WDR7: variants seen among roughly 807,000 people sequenced by gnomAD.
The protein encoded by WDR7 is WD repeat-containing protein 7.
Under a neutral mutation model 169.4 loss-of-function variants are expected in WDR7, and 46 were observed. That is an observed-to-expected ratio of 0.27 (90% CI 0.21 to 0.35). The LOEUF (loss-of-function observed/expected upper bound fraction) is 0.35. Ranked by LOEUF, WDR7 falls within the 10% of genes least tolerant of loss-of-function variation. The pLI is 1.00. For missense variants in WDR7, 1,534 were observed against 1,859.3 expected (o/e 0.83, Z 3.22); for synonymous variants, 612 against 666.8 (o/e 0.92, Z 1.27).
At chr18:57,011,753 T>A (rs1599245080) in intron 26 of WDR7, among the ~76,000 whole-genome samples, 2 of 152,364 alleles carry the variant, frequency 1.3e-5, no homozygotes, top group Admixed American at 1.3e-4. Context: ...TAGTCTTATG[T>A]GCGTAGACTA....
rs191172817 is a variant in WDR7, at chr18:56,675,305, T to C, written c.159+2631T>C. Among the ~76,000 whole-genome samples the C allele has an allele frequency of 6.6e-5, 10 of 152,262 alleles. 1 individual carries two copies. The East Asian group carries it at 1.9e-3, about 29-fold the overall frequency. ...TGACTCACTAGATCAATTTGGAGAG[T>C]ACTGCTATTTTAACCATATCAAATT... On this transcript the variant is annotated intron_variant, in intron 2 of 27. Transcript: ENST00000254442.
chr18:56,973,217 A>G (rs1028612669), intron 26 of WDR7, among the ~76,000 whole-genome samples: 3 of 152,222 alleles, frequency 2.0e-5, no homozygotes, highest in African/African-American at 4.8e-5. Context: ...GAATGGCAGT[A>G]TTCAAGAATT....
In WDR7 at chr18:56,852,887, T is replaced by G. The variant is rs2045663426; in HGVS notation, c.3305-27057T>G. Among the ~76,000 whole-genome samples the G allele has an allele frequency of 3.3e-5, 5 of 152,316 alleles. 1 individual carries two copies. In the South Asian group the frequency reaches 1.0e-3, roughly 32 times the overall value. ...CTTCAGCATGTTTTAAAATATTCTT[T>G]AAGTGTTCTACTCTTTGAAATTTTA... On this transcript the variant is annotated intron_variant, in intron 20 of 27. Transcript: ENST00000254442.
At chr18:56,828,612 A>C (rs2145269697) in intron 20 of WDR7, among the ~76,000 whole-genome samples, 1 of 152,322 alleles carries the variant, frequency 6.6e-6, no homozygotes, top group East Asian at 1.9e-4. Context: ...TTAAAAGAGG[A>C]TCTTCACCAT....
Position 56,984,912 on chromosome 18 carries a change from G to A in WDR7, c.4164+22383G>A, listed in dbSNP as rs185830635. 1.6e-3 allele frequency among the ~76,000 whole-genome samples: 247 copies of A among 152,290 alleles called. 2 individuals are homozygous for A. The highest frequency in any genetic ancestry group is 6.8e-3 in the Middle Eastern group (2 of 294). ...CTGTATTGATTTGCCCTTCAGCTGTGTGCAGTGCCGAGAGAACCTCGGGCC... is the reference window on the plus strand; with the variant it reads ...CTGTATTGATTTGCCCTTCAGCTGTATGCAGTGCCGAGAGAACCTCGGGCC... On this transcript the variant is annotated intron_variant, in intron 26 of 27. Coordinates refer to ENST00000254442, the MANE Select transcript of WDR7 (RefSeq NM_015285.3).
chr18:56,723,917 A>G (rs1274875163), intron 13 of WDR7, among the ~76,000 whole-genome samples: 3 of 151,358 alleles, frequency 2.0e-5, no homozygotes, highest in East Asian at 3.9e-4. Flanking sequence ...TTCTATTGCT[A>G]TGCCTTCAAG....
chr18:56,884,862 C>A lies in WDR7; in HGVS notation c.3526+4697C>A, dbSNP rs145682690. 6.5e-3 allele frequency among the ~76,000 whole-genome samples: 985 copies of A among 152,328 alleles called. 12 individuals are homozygous for A. Among genetic ancestry groups the A allele is most frequent in the Middle Eastern group, 0.024 (7 of 294 alleles). On this transcript the variant is annotated intron_variant, in intron 21 of 27. Coordinates refer to ENST00000254442, the MANE Select transcript of WDR7 (RefSeq NM_015285.3). ...ACACAAAACTGGTGCAATAAAACTA[C>A]AACTAAGGATGCTCACAGAGTCTAT...
At chr18:56,798,839 A>G (rs1158229941) in intron 19 of WDR7, among the ~76,000 whole-genome samples, 1 of 152,242 alleles carries the variant, frequency 6.6e-6, no homozygotes, top group Non-Finnish European at 1.5e-5. Context: ...TCAAAATTTC[A>G]TTTATAAACA....
In WDR7 at chr18:56,731,525, T is replaced by C. The variant is rs114428882; in HGVS notation, c.1917T>C (p.Ala639=). The change falls in exon 14 of 28, where the codon GCT becomes GCC. Residue 639 remains alanine (A), a synonymous_variant. Transcript: ENST00000254442. ...CTATGACGAGACGTAGTCTTGCTGC[T>C]CTTAAAAATATGGCCCATCATAAGC... ...KQAMTRRSLA[A]LKNMAHHKLQ... The C allele has an allele frequency of 1.8e-4, 288 of 1,614,146 alleles. 2 individuals carry two copies. The African/African-American group carries it at 2.5e-3, about 14-fold the overall frequency.
chr18:56,803,540 TG>T (rs1397639718), intron 19 of WDR7, among the ~76,000 whole-genome samples: 6 of 152,076 alleles, frequency 3.9e-5, no homozygotes, highest in Non-Finnish European at 8.8e-5. Flanking sequence ...CGTCTGGAAA[TG>T]TGGCTCTAAA....
intron 22 of WDR7, among the ~76,000 whole-genome samples, chr18:56,928,580 G>A (rs1446896203): frequency 6.6e-6 from 1 of 152,202 alleles, no homozygotes; most frequent in Non-Finnish European, 1.5e-5. Context: ...GTTGCAGTGA[G>A]TTTTTTCTTT....
At chr18:56,887,490 G>A (rs1375923968) in intron 21 of WDR7, among the ~76,000 whole-genome samples, 1 of 152,158 alleles carries the variant, frequency 6.6e-6, no homozygotes, top group Non-Finnish European at 1.5e-5. Flanking sequence ...TTTCTAGCAG[G>A]CAAGGAATAG....
chr18:56,839,291 C>A (rs754000042), intron 20 of WDR7, among the ~76,000 whole-genome samples: 1 of 152,032 alleles, frequency 6.6e-6, no homozygotes, highest in Non-Finnish European at 1.5e-5. Context: ...ATATAATGGA[C>A]GCCCATTTAC....
At chr18:56,878,815 A>G (rs949671413) in intron 20 of WDR7, among the ~76,000 whole-genome samples, 2 of 152,150 alleles carry the variant, frequency 1.3e-5, no homozygotes, top group Non-Finnish European at 2.9e-5. Context: ...CATACAATAT[A>G]TGGTCTTTTG....
At chr18:56,894,071 A>G (rs900386319) in intron 21 of WDR7, among the ~76,000 whole-genome samples, 1 of 151,980 alleles carries the variant, frequency 6.6e-6, no homozygotes, top group African/African-American at 2.4e-5. Context: ...CTGACATAAC[A>G]CATCTAATCT....
At chr18:56,717,688 A>G (rs1489302345) in intron 12 of WDR7, among the ~76,000 whole-genome samples, 1 of 152,194 alleles carries the variant, frequency 6.6e-6, no homozygotes, top group Admixed American at 6.5e-5. Flanking sequence ...TATAGCAATC[A>G]TTGTAGTGAG....
At chr18:57,002,376 CTG>C (rs1165682659) in intron 26 of WDR7, among the ~76,000 whole-genome samples, 7 of 152,172 alleles carry the variant, frequency 4.6e-5, no homozygotes, top group African/African-American at 1.7e-4. Flanking sequence ...AAAATGTAAA[CTG>C]TGCATTGAAA....
intron 20 of WDR7, among the ~76,000 whole-genome samples, chr18:56,820,207 G>A (rs1230603945): frequency 6.6e-6 from 1 of 151,488 alleles, no homozygotes; most frequent in Non-Finnish European, 1.5e-5. Flanking sequence ...TCACAAACCT[G>A]CATGTATGCC....
At chr18:56,956,589 C>A (rs1215779750) in intron 25 of WDR7, among the ~76,000 whole-genome samples, 1 of 152,098 alleles carries the variant, frequency 6.6e-6, no homozygotes, top group Non-Finnish European at 1.5e-5. Flanking sequence ...TCACTGGTAC[C>A]TTCTTGGGGT....
Sources: gnomAD v4.1 joint callset for allele counts (sites outside exome capture counted in the v4.1 genomes callset) on GRCh38, gnomAD v4.1.1 for gene constraint, MANE v1.5 for transcripts, NCBI Gene and HGNC (gene_info 2026-07-23, HGNC 2026-07-21) for gene names.